The following FGF14 variants were observed in gnomAD, a reference collection of about 807,000 sequenced individuals.
FGF14 encodes fibroblast growth factor homologous factor 4.
Under a neutral mutation model 25.5 loss-of-function variants are expected in FGF14, and 5 were observed. The ratio of observed to expected loss-of-function variants is 0.20; its 90% CI spans 0.10 to 0.41. The LOEUF (loss-of-function observed/expected upper bound fraction) is 0.41. Ranked by LOEUF, FGF14 falls within the 10% of genes least tolerant of loss-of-function variation. The pLI, the probability that FGF14 is intolerant of heterozygous loss-of-function variation, is 1.00. For synonymous variants in FGF14, 138 were observed against 118.3 expected (o/e 1.17, Z -1.08); for missense variants, 222 against 320.1 (o/e 0.69, Z 2.34).
At chr13:102,281,859 G>A (rs2053851680) in intron 1 of FGF14, among the ~76,000 whole-genome samples, 1 of 151,906 alleles carries the variant, frequency 6.6e-6, no homozygotes, top group Non-Finnish European at 1.5e-5. Context: ...CTATCTATGT[G>A]TCCCAAACAG....
At chr13:101,898,809 T>C (rs1455197262) in intron 1 of FGF14, among the ~76,000 whole-genome samples, 1 of 152,132 alleles carries the variant, frequency 6.6e-6, no homozygotes, top group Non-Finnish European at 1.5e-5. Flanking sequence ...AGAAAATTGG[T>C]TGATGGCACT....
chr13:102,194,777 A>T lies in FGF14; in HGVS notation c.208+206694T>A, dbSNP rs1020025032. Among the ~76,000 whole-genome samples the T allele has an allele frequency of 2.0e-5, 3 of 152,218 alleles. No homozygotes were observed. In the South Asian group the frequency reaches 6.2e-4, roughly 31 times the overall value. On this transcript the variant is annotated intron_variant, in intron 1 of 4. Transcript: ENST00000376131. Reference sequence around the variant, plus strand: ...AAAAGAAACTCAGAATGTATGTAAGATCAACTAAAATTATCCATGCCCAGA... The same window carrying T: ...AAAAGAAACTCAGAATGTATGTAAGTTCAACTAAAATTATCCATGCCCAGA...
At chr13:102,114,818 G>C (rs1250821295) in intron 1 of FGF14, among the ~76,000 whole-genome samples, 3 of 152,098 alleles carry the variant, frequency 2.0e-5, no homozygotes, top group Non-Finnish European at 2.9e-5. Flanking sequence ...TGGTTACCAG[G>C]GGCTGAGGGA....
At chr13:101,840,450 C>A (rs1230219048) in intron 3 of FGF14, among the ~76,000 whole-genome samples, 1 of 151,688 alleles carries the variant, frequency 6.6e-6, no homozygotes, top group South Asian at 2.1e-4. Context: ...GATGCATATA[C>A]AATAACTCTT....
At chr13:102,152,623 C>T (rs766374259) in intron 1 of FGF14, among the ~76,000 whole-genome samples, 17 of 152,158 alleles carry the variant, frequency 1.1e-4, no homozygotes, top group Non-Finnish European at 1.6e-4. Context: ...ATTCATCCCA[C>T]AATACTGGTG....
At chr13:101,941,192 G>C (rs2035426029) in intron 1 of FGF14, among the ~76,000 whole-genome samples, 1 of 152,224 alleles carries the variant, frequency 6.6e-6, no homozygotes, top group Non-Finnish European at 1.5e-5. Flanking sequence ...ACAGTGAGCA[G>C]AGATGGAGTC....
intron 1 of FGF14, among the ~76,000 whole-genome samples, chr13:101,909,432 G>T (rs1358069500): frequency 6.6e-6 from 1 of 152,144 alleles, no homozygotes; most frequent in Non-Finnish European, 1.5e-5. Context: ...GTGGGTGAAG[G>T]ATATGAACAG....
At chr13:101,872,424 A>G (rs1241252831) in intron 2 of FGF14, among the ~76,000 whole-genome samples, 1 of 151,890 alleles carries the variant, frequency 6.6e-6, no homozygotes, top group Non-Finnish European at 1.5e-5. Context: ...TGTCCTCACA[A>G]CAAAAGAGCT....
chr13:101,726,931 T>C lies in FGF14; in HGVS notation c.409-121A>G, dbSNP rs548607622. On this transcript the variant is annotated intron_variant, in intron 3 of 4. Coordinates refer to ENST00000376143, the MANE Select transcript of FGF14 (RefSeq NM_004115.4). ...GAGTGCTTTGGCATGGAGGACCGGA[T>C]ATACCCCTTCCTGCGCACAGTAATT... 73 of 695,396 alleles carry C rather than the reference T, an allele frequency of 1.0e-4. No homozygotes were observed. In the East Asian group the frequency reaches 1.8e-3, roughly 17 times the overall value. 43.1% of individuals were successfully genotyped at this position (695,396 alleles called of 1,614,324 possible).
intron 1 of FGF14, among the ~76,000 whole-genome samples, chr13:102,169,166 C>T (rs1310894212): frequency 2.6e-5 from 4 of 151,448 alleles, no homozygotes; most frequent in Non-Finnish European, 5.9e-5. Context: ...ACTTTTAAGT[C>T]AGCAAGGCTG....
At chr13:101,795,758 T>C (rs2040486217) in intron 3 of FGF14, among the ~76,000 whole-genome samples, 1 of 152,142 alleles carries the variant, frequency 6.6e-6, no homozygotes, top group Non-Finnish European at 1.5e-5. Flanking sequence ...ACAATCACGG[T>C]ACATCAAGTG....
At chr13:102,005,285 A>G (rs1055396794) in intron 1 of FGF14, among the ~76,000 whole-genome samples, 2 of 152,212 alleles carry the variant, frequency 1.3e-5, no homozygotes, top group Non-Finnish European at 2.9e-5. Context: ...ATCAAATGCA[A>G]ATAAGCCCAA....
At chr13:102,253,496 C>T (rs763589206) in intron 1 of FGF14, among the ~76,000 whole-genome samples, 17 of 152,200 alleles carry the variant, frequency 1.1e-4, no homozygotes, top group East Asian at 3.9e-4. Flanking sequence ...TCATATCCTT[C>T]GCCCACTTTT....
chr13:102,010,509 A>AT (rs1322376093), intron 1 of FGF14, among the ~76,000 whole-genome samples: 2 of 152,146 alleles, frequency 1.3e-5, no homozygotes, highest in Non-Finnish European at 1.5e-5. Flanking sequence ...GAAAGTGTTT[A>AT]TTTTTTATAA....
intron 1 of FGF14, among the ~76,000 whole-genome samples, chr13:102,065,298 G>T (rs1039948257): frequency 6.6e-6 from 1 of 152,070 alleles, no homozygotes; most frequent in Admixed American, 6.5e-5. Flanking sequence ...ATTCATATAC[G>T]ATCTACTGTG....
chr13:102,198,543 C>T (rs1319751123), intron 1 of FGF14, among the ~76,000 whole-genome samples: 1 of 152,094 alleles, frequency 6.6e-6, no homozygotes, highest in Non-Finnish European at 1.5e-5. Flanking sequence ...GAAAATGCAG[C>T]CAGGCAATTT....
Position 102,209,083 on chromosome 13 carries a change from C to T in FGF14, c.208+192388G>A, listed in dbSNP as rs142393107. On this transcript the variant is annotated intron_variant, in intron 1 of 4. Transcript: ENST00000376131. ...ACTCCCAAGAATACACTTGCGAGGA[C>T]GCGAGGAAGGCAGGACTGGGTGGAG... Among the ~76,000 whole-genome samples, 542 of 152,294 alleles carry T rather than the reference C, an allele frequency of 3.6e-3. 2 individuals are homozygous for T. The highest frequency in any genetic ancestry group is 6.1e-3 in the Non-Finnish European group (418 of 68,040).
chr13:102,056,606 T>C (rs1319726078), intron 1 of FGF14, among the ~76,000 whole-genome samples: 1 of 152,146 alleles, frequency 6.6e-6, no homozygotes, highest in Non-Finnish European at 1.5e-5. Context: ...GCAAATTATA[T>C]GCAATAGTTG....
intron 1 of FGF14, among the ~76,000 whole-genome samples, chr13:102,212,483 C>A (rs1487036921): frequency 6.6e-6 from 1 of 152,174 alleles, no homozygotes; most frequent in Non-Finnish European, 1.5e-5. Flanking sequence ...GCAGCCCTGT[C>A]CCCCTGCTAT....
Sources: allele counts gnomAD v4.1 joint callset (sites outside exome capture counted in the v4.1 genomes callset), GRCh38; gene constraint gnomAD v4.1.1; transcripts MANE v1.5; gene names NCBI Gene and HGNC (gene_info 2026-07-23, HGNC 2026-07-21).